Variants in EPHA6 observed in about 807,000 individuals in gnomAD.
EPHA6 encodes EPH receptor A6.
EPHA6 carries 50 observed loss-of-function variants against 112.0 expected under a neutral mutation model. The ratio of observed to expected loss-of-function variants is 0.45; its 90% CI spans 0.36 to 0.56. The LOEUF is 0.56. EPHA6 is among the 20% of genes least tolerant of loss of function. The pLI is 0.00. For missense variants in EPHA6, 1,280 were observed against 1,417.4 expected (o/e 0.90, Z 1.56); for synonymous variants, 529 against 490.7 (o/e 1.08, Z -1.03).
intron 5 of EPHA6, among the ~76,000 whole-genome samples, chr3:97,316,065 A>G (rs1449528427): frequency 6.6e-6 from 1 of 151,902 alleles, no homozygotes. Flanking sequence ...ATTCTCAAAC[A>G]TTATTTAGAA....
intron 7 of EPHA6, among the ~76,000 whole-genome samples, chr3:97,467,826 T>C (rs1376381735): frequency 9.2e-5 from 14 of 151,696 alleles, no homozygotes; most frequent in Admixed American, 3.3e-4. Context: ...AGGCTACCTA[T>C]GGTAAGGCAT....
intron 10 of EPHA6, among the ~76,000 whole-genome samples, chr3:97,488,391 C>T (rs369878983): frequency 7.9e-5 from 12 of 152,112 alleles, no homozygotes; most frequent in African/African-American, 2.9e-4. Context: ...AGTGTCAAGC[C>T]TAATATTTCG....
intron 2 of EPHA6, among the ~76,000 whole-genome samples, chr3:96,885,231 G>A (rs1433732176): frequency 6.6e-6 from 1 of 152,088 alleles, no homozygotes; most frequent in East Asian, 1.9e-4. Context: ...GGGTGATGCT[G>A]GCTTCATCGA....
At chr3:97,470,918 A>T (rs976988024) in intron 7 of EPHA6, among the ~76,000 whole-genome samples, 1 of 151,748 alleles carries the variant, frequency 6.6e-6, no homozygotes, top group African/African-American at 2.4e-5. Context: ...TTTATTTTAC[A>T]CTATGGATTT....
chr3:97,625,934 T>C (rs990750367), intron 13 of EPHA6, among the ~76,000 whole-genome samples: 25 of 151,706 alleles, frequency 1.6e-4, no homozygotes, highest in African/African-American at 6.0e-4. Flanking sequence ...GATAGCTTTA[T>C]GAGGAACATG....
chr3:97,193,041 G>C (rs2077349598), intron 3 of EPHA6, among the ~76,000 whole-genome samples: 1 of 152,130 alleles, frequency 6.6e-6, no homozygotes, highest in African/African-American at 2.4e-5. Context: ...GGTTACAATA[G>C]TTCTGTAGTA....
intron 5 of EPHA6, among the ~76,000 whole-genome samples, chr3:97,336,740 T>C (rs747614292): frequency 1.3e-5 from 2 of 152,132 alleles, no homozygotes; most frequent in Non-Finnish European, 2.9e-5. Context: ...AAAACTTGTC[T>C]GAAAGAGCTC....
intron 11 of EPHA6, among the ~76,000 whole-genome samples, chr3:97,560,005 AT>A (rs1429764872): frequency 1.3e-5 from 2 of 151,950 alleles, no homozygotes; most frequent in Non-Finnish European, 2.9e-5. Flanking sequence ...TACTGCATCC[AT>A]AAAATAAGAA....
chr3:97,313,076 T>TA (rs1036371920), intron 5 of EPHA6, among the ~76,000 whole-genome samples: 2 of 151,504 alleles, frequency 1.3e-5, no homozygotes, highest in Non-Finnish European at 3.0e-5. Flanking sequence ...TCCTTCCCTG[T>TA]CTCCCCTCAG....
chr3:97,491,456 G>A (rs1353105650), intron 10 of EPHA6, among the ~76,000 whole-genome samples: 1 of 152,156 alleles, frequency 6.6e-6, no homozygotes, highest in African/African-American at 2.4e-5. Context: ...GCCAGGTACA[G>A]TCGGGGGGTC....
intron 7 of EPHA6, among the ~76,000 whole-genome samples, chr3:97,451,853 C>A (rs1221075083): frequency 2.0e-5 from 3 of 151,750 alleles, no homozygotes; most frequent in Non-Finnish European, 2.9e-5. Flanking sequence ...TTATTAAGTT[C>A]TCTCTTGTGT....
rs1233866049 is a variant in EPHA6 at position 97,226,313 on chromosome 3, T to G, written c.1164T>G (p.Ser388=). ...YKAFAGNTKC[S]KCPPHSLTYM... is the part of the protein sequence containing the mutation. Reference sequence around the variant, plus strand: ...CTTTTGCTGGGAACACAAAATGTTCTAAATGTCCTCCACACAGTTTAACAT... The same window carrying G: ...CTTTTGCTGGGAACACAAAATGTTCGAAATGTCCTCCACACAGTTTAACAT... The change falls in exon 4 of 18, where the codon TCT becomes TCG. Residue 388 remains serine (S), a synonymous_variant. Coordinates refer to ENST00000389672, the MANE Select transcript of EPHA6 (RefSeq NM_001080448.3). The G allele has an allele frequency of 6.2e-7, 1 of 1,613,428 alleles. No homozygotes were observed. The highest frequency in any genetic ancestry group is 8.5e-7 in the Non-Finnish European group (1 of 1,179,578).
intron 2 of EPHA6, among the ~76,000 whole-genome samples, chr3:96,871,154 C>T (rs746610208): frequency 4.6e-5 from 7 of 151,846 alleles, no homozygotes; most frequent in Non-Finnish European, 8.8e-5. Context: ...TATATTGTTC[C>T]ATATTTCAAA....
intron 4 of EPHA6, among the ~76,000 whole-genome samples, chr3:97,230,979 A>T (rs2108554523): frequency 6.6e-6 from 1 of 152,310 alleles, no homozygotes; most frequent in African/African-American, 2.4e-5. Context: ...AATTTTCCAT[A>T]GGAAAGGGTG....
chr3:96,822,782 A>G (rs1184827326), intron 1 of EPHA6, among the ~76,000 whole-genome samples: 1 of 151,018 alleles, frequency 6.6e-6, no homozygotes, highest in Non-Finnish European at 1.5e-5. Flanking sequence ...TGACTGTACT[A>G]TAATATACTT....
chr3:97,028,747 A>G (rs892133762), intron 3 of EPHA6, among the ~76,000 whole-genome samples: 1 of 151,996 alleles, frequency 6.6e-6, no homozygotes, highest in Non-Finnish European at 1.5e-5. Context: ...TAAAAATGGT[A>G]TAAGTGAAAT....
chr3:97,136,643 T>C (rs909350024), intron 3 of EPHA6, among the ~76,000 whole-genome samples: 7 of 152,126 alleles, frequency 4.6e-5, no homozygotes, highest in African/African-American at 1.7e-4. Flanking sequence ...GTGGGAGGAA[T>C]GGTTGAGCCT....
At chr3:97,426,711 A>G (rs1028615575) in intron 6 of EPHA6, among the ~76,000 whole-genome samples, 1 of 152,182 alleles carries the variant, frequency 6.6e-6, no homozygotes, top group Non-Finnish European at 1.5e-5. Flanking sequence ...TGATTAAACT[A>G]AAGAGCTCCT....
chr3:97,204,562 G>A (rs1328741781), intron 3 of EPHA6, among the ~76,000 whole-genome samples: 1 of 151,948 alleles, frequency 6.6e-6, no homozygotes, highest in East Asian at 1.9e-4. Flanking sequence ...GCCCCTAAAT[G>A]CTATATTATA....
Sources: allele counts gnomAD v4.1 joint callset (sites outside exome capture counted in the v4.1 genomes callset), GRCh38; gene constraint gnomAD v4.1.1; transcripts MANE v1.5; gene names NCBI Gene and HGNC (gene_info 2026-07-23, HGNC 2026-07-21).